Variants in FAM13A observed in about 807,000 individuals in gnomAD.
The protein encoded by FAM13A is protein FAM13A.
Under a neutral mutation model 129.6 loss-of-function variants are expected in FAM13A, and 76 were observed. The ratio of observed to expected loss-of-function variants is 0.59; its 90% CI spans 0.49 to 0.71. The LOEUF is 0.71. Among genes scored for constraint, FAM13A ranks in the 30% least tolerant of loss-of-function variants. The probability of loss-of-function intolerance (pLI) is 0.00; values close to 1 mark genes in which losing one functional copy is unlikely to be tolerated. For missense variants in FAM13A, 1,108 were observed against 1,249.3 expected, an observed-to-expected ratio of 0.89 and a Z score of 1.70; for synonymous variants, 443 against 449.9, an observed-to-expected ratio of 0.98 and a Z score of 0.20.
chr4:88,939,533 T>C (rs1754401292), intron 4 of FAM13A, among the ~76,000 whole-genome samples: 1 of 152,166 alleles, frequency 6.6e-6, no homozygotes, highest in Non-Finnish European at 1.5e-5. Context: ...ATTTACGCAT[T>C]CCAGGGATTA....
intron 6 of FAM13A, among the ~76,000 whole-genome samples, chr4:88,893,198 CA>C (rs1745656499): frequency 6.6e-6 from 1 of 152,128 alleles, no homozygotes; most frequent in Non-Finnish European, 1.5e-5. Context: ...AATTAAACCC[CA>C]AATCTCAGTA....
intron 5 of FAM13A, among the ~76,000 whole-genome samples, chr4:88,923,739 A>G (rs1002856199): frequency 5.3e-5 from 8 of 152,168 alleles, no homozygotes; most frequent in Non-Finnish European, 1.0e-4. Flanking sequence ...AGGGTATTCA[A>G]TTAGGAAAAG....
At chr4:88,867,451 A>C (rs1184605954) in intron 6 of FAM13A, among the ~76,000 whole-genome samples, 1 of 152,280 alleles carries the variant, frequency 6.6e-6, no homozygotes, top group African/African-American at 2.4e-5. Flanking sequence ...ACAGGATGAC[A>C]GCTGTCAAGA....
chr4:88,834,623 C>A (rs1578875965), intron 7 of FAM13A, among the ~76,000 whole-genome samples: 1 of 152,030 alleles, frequency 6.6e-6, no homozygotes, highest in East Asian at 1.9e-4. Flanking sequence ...CACAATAATT[C>A]TCCAAAATAC....
At chr4:88,981,165 G>A (rs955809972) in intron 4 of FAM13A, among the ~76,000 whole-genome samples, 3 of 151,966 alleles carry the variant, frequency 2.0e-5, no homozygotes, top group Non-Finnish European at 4.4e-5. Flanking sequence ...GGCACAAGAC[G>A]CAGAGATATG....
At chr4:88,762,311 C>T (rs1173023824) in intron 13 of FAM13A, among the ~76,000 whole-genome samples, 1 of 152,212 alleles carries the variant, frequency 6.6e-6, no homozygotes, top group African/African-American at 2.4e-5. Context: ...TGTCAACTTA[C>T]ATGAGCTTCC....
intron 4 of FAM13A, among the ~76,000 whole-genome samples, chr4:88,945,990 G>GTGTGTATA: frequency 1.1e-3 from 67 of 61,910 alleles, no homozygotes; most frequent in South Asian, 3.1e-3. Context: ...GTGTGTGTGT[G>GTGTGTATA]TATATATATA....
intron 3 of FAM13A, among the ~76,000 whole-genome samples, chr4:89,013,173 C>T (rs538589996): frequency 6.4e-4 from 97 of 150,742 alleles, no homozygotes; most frequent in African/African-American, 2.3e-3. Flanking sequence ...TGTAAGGGTA[C>T]CTCACACAGG....
chr4:89,009,121 T>A (rs1283931138), intron 3 of FAM13A: 2 of 152,206 alleles, frequency 1.3e-5, no homozygotes, highest in East Asian at 3.8e-4. Context: ...GAGACAGATA[T>A]TTAATAAAGT....
At chr4:88,871,653 A>T (rs1741416061) in intron 6 of FAM13A, among the ~76,000 whole-genome samples, 1 of 152,218 alleles carries the variant, frequency 6.6e-6, no homozygotes, top group African/African-American at 2.4e-5. Flanking sequence ...ATGTGAAAAG[A>T]CCAAATCTAC....
At chr4:88,784,673 G>C (rs1723623767) in intron 10 of FAM13A, among the ~76,000 whole-genome samples, 2 of 152,046 alleles carry the variant, frequency 1.3e-5, no homozygotes, top group South Asian at 4.2e-4. Context: ...GAAACATTTG[G>C]ATCAATTTTC....
At chr4:89,028,771 TA>T (rs33910983) in intron 2 of FAM13A, among the ~76,000 whole-genome samples, 15,937 of 137,848 alleles carry the variant, frequency 0.12, 1,171 homozygotes, top group African/African-American at 0.22. Context: ...TTAAAGTACA[TA>T]AAAAAAAAAA....
chr4:88,965,806 A>AT (rs1281873021), intron 4 of FAM13A, among the ~76,000 whole-genome samples: 1 of 152,228 alleles, frequency 6.6e-6, no homozygotes, highest in Non-Finnish European at 1.5e-5. Flanking sequence ...AAGTGGAGTC[A>AT]TACAGTATTT....
chr4:88,880,683 T>C (rs1483612378), intron 6 of FAM13A, among the ~76,000 whole-genome samples: 1 of 151,436 alleles, frequency 6.6e-6, no homozygotes, highest in Non-Finnish European at 1.5e-5. Flanking sequence ...CCTGCTTGCT[T>C]TCTCAGCCGG....
intron 3 of FAM13A, among the ~76,000 whole-genome samples, chr4:89,013,394 T>C (rs1348817554): frequency 6.6e-6 from 1 of 151,640 alleles, no homozygotes; most frequent in Non-Finnish European, 1.5e-5. Flanking sequence ...ATCTGAATTA[T>C]GAAAAAATAA....
chr4:88,949,851 T>C (rs1246644284), intron 4 of FAM13A, among the ~76,000 whole-genome samples: 4 of 152,196 alleles, frequency 2.6e-5, no homozygotes, highest in Admixed American at 2.0e-4. Context: ...ACAGTTCCAC[T>C]TGTTAATCCA....
chr4:88,736,411 G>C (rs1738997321), intron 21 of FAM13A: 1 of 152,132 alleles, frequency 6.6e-6, no homozygotes, highest in Non-Finnish European at 1.5e-5. Context: ...CAGTAGACAA[G>C]AGGGCCCCAT....
intron 4 of FAM13A, among the ~76,000 whole-genome samples, chr4:88,963,037 T>A (rs1758842746): frequency 6.6e-6 from 1 of 152,184 alleles, no homozygotes; most frequent in African/African-American, 2.4e-5. Context: ...GGTCACTAGG[T>A]GACTTTTACT....
At chr4:88,945,810 T>G (rs1026821569) in intron 4 of FAM13A, among the ~76,000 whole-genome samples, 2 of 139,976 alleles carry the variant, frequency 1.4e-5, no homozygotes, top group African/African-American at 5.3e-5. Context: ...TATATATATA[T>G]TATATATATA....
Sources: gnomAD v4.1 joint callset for allele counts (sites outside exome capture counted in the v4.1 genomes callset) on GRCh38, gnomAD v4.1.1 for gene constraint, MANE v1.5 for transcripts, NCBI Gene and HGNC (gene_info 2026-07-23, HGNC 2026-07-21) for gene names.